The following KIAA0513 variants were observed in gnomAD, a reference collection of about 807,000 sequenced individuals.
KIAA0513 encodes the protein uncharacterized protein KIAA0513.
In KIAA0513, 39 loss-of-function variants were observed where a neutral mutation model predicts 56.5. The ratio of observed to expected loss-of-function variants is 0.69; its 90% CI spans 0.53 to 0.90. The LOEUF (loss-of-function observed/expected upper bound fraction) is 0.90, where lower values mean the gene tolerates loss of function less well. Among genes scored for constraint, KIAA0513 ranks in the 40% least tolerant of loss-of-function variants. The probability of loss-of-function intolerance (pLI) is 0.00; values close to 1 mark genes in which losing one functional copy is unlikely to be tolerated. For synonymous variants in KIAA0513, 268 were observed against 215.6 expected (o/e 1.24, Z -2.13); for missense variants, 591 against 535.2 (o/e 1.10, Z -1.03).
intron 2 of KIAA0513, among the ~76,000 whole-genome samples, chr16:85,068,129 G>T (rs931173315): frequency 6.6e-6 from 1 of 150,534 alleles, no homozygotes; most frequent in African/African-American, 2.4e-5. Context: ...TTATTTTCCA[G>T]TGCATGTTGT....
chr16:85,077,327 CT>C, intron 5 of KIAA0513, 97 bp from the exon 6 acceptor site: 1 of 1,148,762 alleles, frequency 8.7e-7, no homozygotes, highest in South Asian at 1.5e-5. Flanking sequence ...CGTATCCCCA[CT>C]GCACAGGACC....
intron 1 of KIAA0513, among the ~76,000 whole-genome samples, chr16:85,036,024 G>T (rs1391205076): frequency 2.0e-5 from 3 of 150,698 alleles, no homozygotes; most frequent in Non-Finnish European, 4.4e-5. Context: ...TATGTTGCCT[G>T]AGCTGGTCTT....
chr16:85,085,123 G>A (rs543876661), intron 10 of KIAA0513, among the ~76,000 whole-genome samples: 3 of 152,356 alleles, frequency 2.0e-5, no homozygotes, highest in South Asian at 4.1e-4. Flanking sequence ...GCAGGCCTGC[G>A]AGGGGTGCGG....
At chr16:85,059,233 C>G (rs1314300602) in intron 1 of KIAA0513, among the ~76,000 whole-genome samples, 1 of 141,808 alleles carries the variant, frequency 7.1e-6, no homozygotes, top group African/African-American at 3.0e-5. Flanking sequence ...CTGCTTCAAG[C>G]TAGTAATGTG....
intron 1 of KIAA0513, among the ~76,000 whole-genome samples, chr16:85,033,485 C>T (rs1187492521): frequency 1.3e-5 from 2 of 152,222 alleles, no homozygotes; most frequent in African/African-American, 4.8e-5. Context: ...GAATACGATG[C>T]CCTGCCACTT....
intron 1 of KIAA0513, among the ~76,000 whole-genome samples, chr16:85,059,206 C>A (rs1448906775): frequency 6.6e-6 from 1 of 152,068 alleles, no homozygotes; most frequent in Admixed American, 6.5e-5. Flanking sequence ...TAAACATGAC[C>A]TCATGGTAGA....
chr16:85,038,707 C>CAAAAAAAAAAAAA (rs769470751), intron 1 of KIAA0513, among the ~76,000 whole-genome samples: 1 of 71,260 alleles, frequency 1.4e-5, no homozygotes, highest in Non-Finnish European at 2.9e-5. Flanking sequence ...GACTCAGCCT[C>CAAAAAAAAAAAAA]AAAAAAAAAA....
In KIAA0513 at chr16:85,035,813, C is replaced by T. The variant is rs561801224; in HGVS notation, c.-173+7955C>T. Among the ~76,000 whole-genome samples, 8 of 152,080 alleles carry T rather than the reference C, an allele frequency of 5.3e-5. No individual in the cohort carries two copies. In the South Asian group the frequency reaches 1.5e-3, roughly 28 times the overall value. On this transcript the variant is annotated intron_variant, in intron 1 of 12. Coordinates refer to ENST00000683363, the MANE Select transcript of KIAA0513 (RefSeq NM_001388359.1). ...CTAACACAGTGAAACCCCGTCTCTA[C>T]TAAAAGAATACAAAAAAATTAGCCA...
intron 6 of KIAA0513, 137 bp from the exon 7 acceptor site, chr16:85,078,278 T>G: frequency 1.2e-6 from 1 of 829,638 alleles, no homozygotes; most frequent in East Asian, 2.7e-5. Context: ...AATAGAGCCT[T>G]GATTTCATAA....
rs1158209804 is a variant in KIAA0513, at chr16:85,067,350, G to A, written c.279G>A (p.Leu93=). The A allele has an allele frequency of 3.1e-6, 5 of 1,609,860 alleles. No individual in the cohort carries two copies. The highest frequency in any genetic ancestry group is 8.5e-7 in the Non-Finnish European group (1 of 1,179,998). ...AGTCTACCCAGGATGAAGAGACCCT[G>A]GCACTCAGGGACTTCATGCGTGGCT... The part of the protein sequence containing the change: ...STESTQDEET[L]ALRDFMRGYV... The change falls in exon 2 of 13, where the codon CTG becomes CTA. Residue 93 remains leucine (L), a synonymous_variant. Coordinates refer to ENST00000683363, the MANE Select transcript of KIAA0513 (RefSeq NM_001388359.1).
intron 1 of KIAA0513, among the ~76,000 whole-genome samples, chr16:85,029,463 C>G (rs549380913): frequency 1.3e-5 from 2 of 152,218 alleles, no homozygotes; most frequent in African/African-American, 4.8e-5. Context: ...TGCCAAATCC[C>G]AGAAAGTGGT....
At chr16:85,040,264 C>T (rs1028031951) in intron 1 of KIAA0513, among the ~76,000 whole-genome samples, 9 of 152,232 alleles carry the variant, frequency 5.9e-5, no homozygotes, top group Non-Finnish European at 1.0e-4. Context: ...GTGCTTCTGG[C>T]ATCTAGCGAG....
Position 85,077,528 on chromosome 16 carries a change from C to A in KIAA0513, c.678C>A (p.Ile226=), listed in dbSNP as rs200185234. 1 of 1,614,174 alleles carries A rather than the reference C, an allele frequency of 6.2e-7. No homozygotes were observed. The highest frequency in any genetic ancestry group is 8.5e-7 in the Non-Finnish European group (1 of 1,180,036). ...ANSWLAEKKD[I]AERLLKNTSA... ...GCTGGCTGGCCGAAAAGAAGGACAT[C>A]GCCGAGCGGCTGCTGAAGAACACCT... Residue 226 remains isoleucine (I), a synonymous_variant, in exon 6 of 13, where the codon ATC becomes ATA. Coordinates refer to ENST00000683363, the MANE Select transcript of KIAA0513 (RefSeq NM_001388359.1).
chr16:85,084,167 T>C (rs2073780814), intron 10 of KIAA0513, among the ~76,000 whole-genome samples: 1 of 151,438 alleles, frequency 6.6e-6, no homozygotes. Context: ...GTTCAAGCGA[T>C]TCTCCTGCCT....
Position 85,087,336 on chromosome 16 carries a change from A to G in KIAA0513, c.1186+170A>G, listed in dbSNP as rs960673200. ...TCCTTTCTCCCCAGTCTGTATAGAC[A>G]GACGCACAGGACACCTCTCGTTCCA... On this transcript the variant is annotated intron_variant, in intron 12 of 12. Coordinates refer to ENST00000683363, the MANE Select transcript of KIAA0513 (RefSeq NM_001388359.1). 2.1e-4 allele frequency among the ~76,000 whole-genome samples: 32 copies of G among 152,338 alleles called. 1 individual carries two copies. Among genetic ancestry groups the G allele is most frequent in the African/African-American group, 7.7e-4 (32 of 41,592 alleles).
chr16:85,075,625 G>T (rs532502757), intron 4 of KIAA0513, among the ~76,000 whole-genome samples: 1 of 152,354 alleles, frequency 6.6e-6, no homozygotes, highest in South Asian at 2.1e-4. Flanking sequence ...AAGAAGCCGG[G>T]CAGGCAGACC....
chr16:85,048,999 C>G (rs1368945563), intron 1 of KIAA0513, among the ~76,000 whole-genome samples: 3 of 152,210 alleles, frequency 2.0e-5, no homozygotes, highest in Non-Finnish European at 4.4e-5. Flanking sequence ...GAGGGAAAAG[C>G]GGCCTGATTA....
Position 85,076,544 on chromosome 16 carries a change from A to G in KIAA0513, c.574+630A>G, listed in dbSNP as rs1349512367. Reference sequence around the variant, plus strand: ...GAGGTTGCTGGAAGCCTCCTCGTGGACTGGAGCTAGGTCAGGGAGGTGCTA... The same window carrying G: ...GAGGTTGCTGGAAGCCTCCTCGTGGGCTGGAGCTAGGTCAGGGAGGTGCTA... On this transcript the variant is annotated intron_variant, in intron 5 of 12. Coordinates refer to ENST00000683363, the MANE Select transcript of KIAA0513 (RefSeq NM_001388359.1). This position sits in a 1 kb window ranked among gnomAD's most constrained non-coding sequence, Gnocchi z 4.7. Among the ~76,000 whole-genome samples, 1 of 152,094 alleles carries G rather than the reference A, an allele frequency of 6.6e-6. No homozygotes were observed. The highest frequency in any genetic ancestry group is 2.4e-5 in the African/African-American group (1 of 41,410).
At chr16:85,038,747 A>ATAGATTCTAT (rs2073068506) in intron 1 of KIAA0513, among the ~76,000 whole-genome samples, 1 of 150,124 alleles carries the variant, frequency 6.7e-6, no homozygotes, top group African/African-American at 2.5e-5. Flanking sequence ...ATCTTTGTTG[A>ATAGATTCTAT]TAGATTCTAT....
Sources: allele counts gnomAD v4.1 joint callset (sites outside exome capture counted in the v4.1 genomes callset), GRCh38; gene constraint gnomAD v4.1.1; non-coding constraint Gnocchi (gnomAD v3.1); transcripts MANE v1.5; gene names NCBI Gene and HGNC (gene_info 2026-07-23, HGNC 2026-07-21).